KCNMB3: variants seen among roughly 807,000 people sequenced by gnomAD.
The protein encoded by KCNMB3 is potassium calcium-activated channel subfamily M regulatory beta subunit 3.
A neutral mutation model predicts 11.9 loss-of-function variants in KCNMB3; 18 were observed. The ratio of observed to expected loss-of-function variants is 1.51; its 90% CI spans 1.04 to 2.23. The LOEUF (loss-of-function observed/expected upper bound fraction) is 2.23, where lower values mean the gene tolerates loss of function less well. Among genes scored for constraint, KCNMB3 ranks in the 30% most tolerant of loss-of-function variants. The pLI is 0.00. For missense variants in KCNMB3, 247 were observed against 329.4 expected, an observed-to-expected ratio of 0.75 and a Z score of 1.94; for synonymous variants, 78 against 119.2, an observed-to-expected ratio of 0.65 and a Z score of 2.25.
intron 1 of KCNMB3, among the ~76,000 whole-genome samples, chr3:179,262,059 AT>A (rs1457489371): frequency 6.6e-6 from 1 of 152,236 alleles, no homozygotes; most frequent in African/African-American, 2.4e-5. Flanking sequence ...ACCTGATAGC[AT>A]TGTTTCACTG....
At chr3:179,263,456 C>G (rs1200831508) in intron 1 of KCNMB3, among the ~76,000 whole-genome samples, 2 of 152,258 alleles carry the variant, frequency 1.3e-5, no homozygotes, top group African/African-American at 4.8e-5. Flanking sequence ...AGGGGCTCCT[C>G]AGGCGCGGCC....
At chr3:179,263,934 T>A (rs763048937) in intron 1 of KCNMB3, among the ~76,000 whole-genome samples, 1 of 150,334 alleles carries the variant, frequency 6.7e-6, no homozygotes, top group East Asian at 2.0e-4. Context: ...GCCTCCCAAG[T>A]AGCTGGGATT....
chr3:179,250,486 T>C (rs1725797463), intron 1 of KCNMB3, among the ~76,000 whole-genome samples: 1 of 152,222 alleles, frequency 6.6e-6, no homozygotes, highest in South Asian at 2.1e-4. Context: ...ATTTGTGGAT[T>C]ACGTGTTTGG....
At chr3:179,258,029 C>T (rs1168809156) in intron 1 of KCNMB3, among the ~76,000 whole-genome samples, 19 of 152,100 alleles carry the variant, frequency 1.2e-4, no homozygotes, top group Admixed American at 4.6e-4. Flanking sequence ...GGATTACAGG[C>T]GCCCACCACC....
intron 1 of KCNMB3, among the ~76,000 whole-genome samples, chr3:179,264,837 C>T (rs1726323033): frequency 6.6e-6 from 1 of 152,162 alleles, no homozygotes; most frequent in South Asian, 2.1e-4. Context: ...TTAATATTTC[C>T]CTGTAATTCG....
chr3:179,259,536 T>C (rs1726132331), intron 1 of KCNMB3: 2 of 1,610,812 alleles, frequency 1.2e-6, no homozygotes, highest in African/African-American at 2.7e-5. Context: ...TTCACTGCTT[T>C]CTGCTGCAAT....
At chr3:179,263,151 G>A (rs867825491) in intron 1 of KCNMB3, among the ~76,000 whole-genome samples, 67 of 152,332 alleles carry the variant, frequency 4.4e-4, no homozygotes, top group Middle Eastern at 3.4e-3. Context: ...CCACGGAGGC[G>A]GGGGGAGGCT....
chr3:179,251,682 C>T, upstream of KCNMB3: 1 of 1,226,274 alleles, frequency 8.2e-7, no homozygotes, highest in Non-Finnish European at 1.0e-6. Flanking sequence ...GGCATCCAGC[C>T]CACAGATGTG....
At chr3:179,254,952 G>T (rs1041266768), upstream of KCNMB3, among the ~76,000 whole-genome samples, 4 of 152,148 alleles carry the variant, frequency 2.6e-5, no homozygotes, top group African/African-American at 9.7e-5. Flanking sequence ...ATCACCTGAG[G>T]TCAGGAGTTT....
chr3:179,251,061 C>G lies in KCNMB3; in HGVS notation c.-71G>C, dbSNP rs1725826888. 4.3e-6 allele frequency: 7 copies of G among 1,613,986 alleles called. No individual in the cohort carries two copies. The East Asian group carries it at 1.6e-4, about 36-fold the overall frequency. ...CTGTGTCTCGTGAGCAGGATGAATG[C>G]AACAAAATGAAATCCCAGTTCAGAG... On this transcript the variant is annotated 5_prime_UTR_variant, in exon 1 of 3. Coordinates refer to ENST00000392685, the MANE Select transcript of KCNMB3 (RefSeq NM_171830.2).
intron 1 of KCNMB3, chr3:179,259,000 G>A (rs535370021): frequency 1.6e-5 from 26 of 1,613,660 alleles, no homozygotes; most frequent in African/African-American, 1.1e-4. Flanking sequence ...TGTGCACCAC[G>A]CCTGCCGCCT....
At chr3:179,260,620 G>A (rs1262857984) in intron 1 of KCNMB3, 2 of 1,385,220 alleles carry the variant, frequency 1.4e-6, no homozygotes. Context: ...TAGGATCTTG[G>A]TATCAAACAT....
chr3:179,260,690 T>A (rs1390643012), intron 1 of KCNMB3: 2 of 1,387,704 alleles, frequency 1.4e-6, no homozygotes, highest in African/African-American at 2.8e-5. Context: ...GATTATTCCA[T>A]GTTTCTCGAG....
At chr3:179,265,139 G>A (rs1258492564) in intron 1 of KCNMB3, among the ~76,000 whole-genome samples, 1 of 152,166 alleles carries the variant, frequency 6.6e-6, no homozygotes, top group East Asian at 1.9e-4. Flanking sequence ...TTGCCATAAA[G>A]TAATTCATTT....
intron 2 of KCNMB3, among the ~76,000 whole-genome samples, chr3:179,243,638 T>C (rs1197003696): frequency 6.6e-6 from 1 of 152,230 alleles, no homozygotes; most frequent in Non-Finnish European, 1.5e-5. Context: ...TGGGCCTCAC[T>C]ATGAGCTTTC....
At chr3:179,257,885 TG>T (rs1163098936) in intron 1 of KCNMB3, among the ~76,000 whole-genome samples, 2 of 151,506 alleles carry the variant, frequency 1.3e-5, no homozygotes, top group East Asian at 2.0e-4. Flanking sequence ...TGTGTGTGTG[TG>T]TGTGTGTGTG....
Position 179,247,397 on chromosome 3 carries a change from AC to A in KCNMB3, c.249-2705del, listed in dbSNP as rs1466340790. On this transcript the variant is annotated intron_variant, in intron 1 of 2. Coordinates refer to ENST00000392685, the MANE Select transcript of KCNMB3 (RefSeq NM_171830.2). ...AGTAAATGAAAAAGAGGAAAAAAAG[AC>A]AGAATGAAGTCAGAAGTGAGGTATA... Among the ~76,000 whole-genome samples the A allele has an allele frequency of 4.6e-5, 7 of 152,256 alleles. No homozygotes were observed. In the East Asian group the frequency reaches 1.4e-3, roughly 29 times the overall value.
chr3:179,241,470 C>T (rs73054091), downstream of KCNMB3: 15,682 of 154,278 alleles, frequency 0.1, 1,227 homozygotes, highest in African/African-American at 0.21. Flanking sequence ...TAATATGTGT[C>T]GAAATTAATT....
chr3:179,254,890 C>T (rs138718071), upstream of KCNMB3, among the ~76,000 whole-genome samples: 6 of 152,068 alleles, frequency 3.9e-5, no homozygotes, highest in African/African-American at 1.2e-4. Context: ...AACAGCCAGG[C>T]GAGGTAGTTC....
Sources: allele counts gnomAD v4.1 joint callset (sites outside exome capture counted in the v4.1 genomes callset), GRCh38; gene constraint gnomAD v4.1.1; transcripts MANE v1.5; gene names NCBI Gene and HGNC (gene_info 2026-07-23, HGNC 2026-07-21).